Variants in ANKH observed in about 807,000 individuals in gnomAD.
The protein encoded by ANKH is ANKH inorganic pyrophosphate transport regulator.
ANKH carries 15 observed loss-of-function variants against 49.0 expected under a neutral mutation model. The ratio of observed to expected loss-of-function variants is 0.31; its 90% CI spans 0.20 to 0.47. The LOEUF is 0.47. ANKH is among the 20% of genes least tolerant of loss of function. The pLI is 1.00. For synonymous variants in ANKH, 273 were observed against 260.0 expected, an observed-to-expected ratio of 1.05 and a Z score of -0.48; for missense variants, 429 against 652.0, an observed-to-expected ratio of 0.66 and a Z score of 3.72.
chr5:14,835,818 A>G (rs1357490016), intron 1 of ANKH, among the ~76,000 whole-genome samples: 1 of 152,218 alleles, frequency 6.6e-6, no homozygotes, highest in Non-Finnish European at 1.5e-5. Flanking sequence ...AACAAAAAAA[A>G]GAGAATTTTA....
chr5:14,753,855 A>T (rs980673298), intron 4 of ANKH, among the ~76,000 whole-genome samples: 1 of 152,232 alleles, frequency 6.6e-6, no homozygotes, highest in Non-Finnish European at 1.5e-5. Flanking sequence ...AATTTGAGGC[A>T]TTATAAATGA....
rs386403087 is a variant in ANKH, at chr5:14,847,005, C to CAAAAAAA, written c.96+24340_96+24346dup. On this transcript the variant is annotated intron_variant, in intron 1 of 11. Transcript: ENST00000284268. ...CCTGGGAAACAGTGTAAGACTGCCT[C>CAAAAAAA]AAAAAAAAAAAAAAAAACAATGAAA... Among the ~76,000 whole-genome samples, 31 of 110,306 alleles carry CAAAAAAA rather than the reference C, an allele frequency of 2.8e-4. 1 individual carries two copies. Among genetic ancestry groups the CAAAAAAA allele is most frequent in the African/African-American group, 7.4e-4 (21 of 28,426 alleles). 72.4% of individuals were successfully genotyped at this position (110,306 alleles called of 152,430 possible). A position where few individuals can be genotyped will look rare whatever the true frequency, so the allele number is the denominator to read the frequency against.
intron 5 of ANKH, 29 bp downstream of exon 5, chr5:14,751,040 A>G: frequency 6.2e-7 from 1 of 1,612,118 alleles, no homozygotes; most frequent in Non-Finnish European, 8.5e-7. Context: ...TGAGTCTCAG[A>G]CAGACTGCTG....
At chr5:14,735,897 A>G (rs1378874949) in intron 8 of ANKH, among the ~76,000 whole-genome samples, 2 of 152,066 alleles carry the variant, frequency 1.3e-5, no homozygotes, top group Non-Finnish European at 2.9e-5. Flanking sequence ...TATTCAACCC[A>G]TAACAATAAA....
rs575779767 is a variant in ANKH, at chr5:14,863,650, C to CA, written c.96+7701dup. On this transcript the variant is annotated intron_variant, in intron 1 of 11. Transcript: ENST00000284268. ...AGAAACTAATAGAGTCACAGGTGTT[C>CA]AAAAAATACCTGATTTTTTCTTTTT... Among the ~76,000 whole-genome samples the CA allele has an allele frequency of 4.8e-3, 726 of 152,140 alleles. 7 individuals carry two copies. The highest frequency in any genetic ancestry group is 0.017 in the African/African-American group (693 of 41,512).
chr5:14,862,062 C>G (rs1480277327), intron 1 of ANKH, among the ~76,000 whole-genome samples: 1 of 152,118 alleles, frequency 6.6e-6, no homozygotes, highest in Non-Finnish European at 1.5e-5. Context: ...ATGGTGAAAC[C>G]CCGTCTCTAC....
chr5:14,757,426 A>ATATC (rs1738929934), intron 3 of ANKH, among the ~76,000 whole-genome samples: 1 of 130,132 alleles, frequency 7.7e-6, no homozygotes, highest in Non-Finnish European at 1.6e-5. Context: ...ATATATATAT[A>ATATC]TATATTTTTT....
At chr5:14,719,879 C>T (rs1047070195) in intron 8 of ANKH, among the ~76,000 whole-genome samples, 6 of 152,108 alleles carry the variant, frequency 3.9e-5, no homozygotes, top group Non-Finnish European at 7.4e-5. Context: ...TTTTAAAATC[C>T]AACAACATAA....
intron 8 of ANKH, among the ~76,000 whole-genome samples, chr5:14,717,422 G>C (rs1284161347): frequency 6.6e-6 from 1 of 152,346 alleles, no homozygotes; most frequent in African/African-American, 2.4e-5. Context: ...GTAAACTGAT[G>C]TAACAGACAC....
chr5:14,721,607 T>C (rs1356387511), intron 8 of ANKH, among the ~76,000 whole-genome samples: 1 of 152,198 alleles, frequency 6.6e-6, no homozygotes, highest in East Asian at 1.9e-4. Context: ...GGTATACATA[T>C]AACTTAGAAA....
chr5:14,787,873 T>A (rs1740030471), intron 1 of ANKH, among the ~76,000 whole-genome samples: 1 of 152,202 alleles, frequency 6.6e-6, no homozygotes, highest in African/African-American at 2.4e-5. Flanking sequence ...AAGACAGCCA[T>A]GACGCTCCCA....
intron 2 of ANKH, 61 bp from the exon 3 acceptor site, chr5:14,758,659 T>C: frequency 8.0e-7 from 1 of 1,250,034 alleles, no homozygotes; most frequent in Non-Finnish European, 1.2e-6. Context: ...TATATTCTTT[T>C]TGTTTCAAAA....
At chr5:14,805,439 G>C (rs1052946035) in intron 1 of ANKH, among the ~76,000 whole-genome samples, 1 of 100,688 alleles carries the variant, frequency 9.9e-6, no homozygotes, top group Non-Finnish European at 2.0e-5. Flanking sequence ...ACATATATAT[G>C]TGTGTGTGTA....
chr5:14,797,711 T>C, intron 1 of ANKH: 1 of 1,604,184 alleles, frequency 6.2e-7, no homozygotes, highest in Non-Finnish European at 8.5e-7. Flanking sequence ...AAACATCTTC[T>C]ACTATTGCCG....
In ANKH at chr5:14,754,992, C is replaced by A. The variant is rs578213986; in HGVS notation, c.516+869G>T. Reference sequence around the variant, plus strand: ...TCAGGAGGCTGAGGCAGGAGAATCACTTGAACCTGGGTAGTGGAGGTTGCA... The same window carrying A: ...TCAGGAGGCTGAGGCAGGAGAATCAATTGAACCTGGGTAGTGGAGGTTGCA... On this transcript the variant is annotated intron_variant, in intron 4 of 11. Transcript: ENST00000284268. Among the ~76,000 whole-genome samples, 8 of 148,454 alleles carry A rather than the reference C, an allele frequency of 5.4e-5. No individual in the cohort carries two copies. The Admixed American group carries it at 5.4e-4, about 10-fold the overall frequency.
At chr5:14,837,383 G>C (rs1015585933) in intron 1 of ANKH, among the ~76,000 whole-genome samples, 5 of 152,152 alleles carry the variant, frequency 3.3e-5, no homozygotes, top group African/African-American at 9.7e-5. Flanking sequence ...ATCTGATAAA[G>C]GGCTAATATC....
intron 1 of ANKH, among the ~76,000 whole-genome samples, chr5:14,828,393 G>A (rs1458760708): frequency 6.6e-6 from 1 of 152,068 alleles, no homozygotes. Context: ...GGTGGTGGGT[G>A]CCTGGCGCCT....
chr5:14,716,912 A>G, intron 8 of ANKH, 77 bp from the exon 9 acceptor site: 1 of 1,575,254 alleles, frequency 6.3e-7, no homozygotes, highest in East Asian at 2.3e-5. Flanking sequence ...GTGTGGCACA[A>G]TCCTTGGAGA....
chr5:14,741,444 T>C (rs953713950), intron 8 of ANKH: 3 of 254,492 alleles, frequency 1.2e-5, no homozygotes, highest in Non-Finnish European at 2.3e-5. Flanking sequence ...AAGGAAATTT[T>C]ACTGGGGAAC....
Sources: allele counts gnomAD v4.1 joint callset (sites outside exome capture counted in the v4.1 genomes callset), GRCh38; gene constraint gnomAD v4.1.1; transcripts MANE v1.5; gene names NCBI Gene and HGNC (gene_info 2026-07-23, HGNC 2026-07-21).